The following AUTS2 variants were observed in gnomAD, a reference collection of about 807,000 sequenced individuals.
The protein encoded by AUTS2 is autism susceptibility gene 2 protein.
A neutral mutation model predicts 112.4 loss-of-function variants in AUTS2; 17 were observed. That is an observed-to-expected ratio of 0.15 (90% confidence interval 0.10 to 0.23). The LOEUF (loss-of-function observed/expected upper bound fraction) is 0.23, where lower values mean the gene tolerates loss of function less well. Ranked by LOEUF, AUTS2 falls within the 10% of genes least tolerant of loss-of-function variation. The pLI is 1.00. For missense variants in AUTS2, 1,510 were observed against 1,701.6 expected, an observed-to-expected ratio of 0.89 and a Z score of 1.98; for synonymous variants, 751 against 702.7, an observed-to-expected ratio of 1.07 and a Z score of -1.09.
chr7:70,192,325 TA>T (rs1442607158), intron 4 of AUTS2, among the ~76,000 whole-genome samples: 1 of 152,216 alleles, frequency 6.6e-6, no homozygotes, highest in African/African-American at 2.4e-5. Context: ...TAAAACTTTC[TA>T]GGAAATTCAT....
chr7:69,604,493 T>A (rs928055039), intron 1 of AUTS2, among the ~76,000 whole-genome samples: 1 of 152,350 alleles, frequency 6.6e-6, no homozygotes, highest in East Asian at 1.9e-4. Flanking sequence ...TGATATCAAC[T>A]AAGCGCCATA....
chr7:70,781,292 T>G (rs1585681315), intron 14 of AUTS2, among the ~76,000 whole-genome samples: 1 of 133,116 alleles, frequency 7.5e-6, no homozygotes. Flanking sequence ...ACCCAGGAGG[T>G]GGAGGTTGTA....
At chr7:70,428,712 CTG>C (rs1348440644) in intron 4 of AUTS2, among the ~76,000 whole-genome samples, 1 of 152,184 alleles carries the variant, frequency 6.6e-6, no homozygotes, top group East Asian at 1.9e-4. Flanking sequence ...TACGAAATAA[CTG>C]TTCCAGCAAG....
intron 1 of AUTS2, among the ~76,000 whole-genome samples, chr7:69,847,165 A>G (rs1792243221): frequency 6.6e-6 from 1 of 152,240 alleles, no homozygotes; most frequent in African/African-American, 2.4e-5. Flanking sequence ...CTGGCTTAAT[A>G]GAACATACGA....
At chr7:69,975,778 C>T (rs1210707366) in intron 2 of AUTS2, among the ~76,000 whole-genome samples, 3 of 151,790 alleles carry the variant, frequency 2.0e-5, no homozygotes, top group Non-Finnish European at 4.4e-5. Flanking sequence ...ACCTCTGCCT[C>T]CTGGGTTCAA....
intron 6 of AUTS2, among the ~76,000 whole-genome samples, chr7:70,760,241 G>A (rs774162233): frequency 4.6e-5 from 7 of 152,180 alleles, no homozygotes; most frequent in Non-Finnish European, 7.3e-5. Flanking sequence ...TCCTGACCTC[G>A]TGATCCGCCC....
Position 70,724,808 on chromosome 7 carries a change from T to C in AUTS2, c.742+26188T>C, listed in dbSNP as rs76342480. 1.2e-3 allele frequency among the ~76,000 whole-genome samples: 184 copies of C among 152,326 alleles called. 1 individual carries two copies. The East Asian group carries it at 0.033, about 28-fold the overall frequency. On this transcript the variant is annotated intron_variant, in intron 6 of 18. Transcript: ENST00000342771. ...TAGCATACTGCTAAAACTAGATTAGTAGTACTTAATCTAGAGGGATCTTTT... is the reference window on the plus strand; with the variant it reads ...TAGCATACTGCTAAAACTAGATTAGCAGTACTTAATCTAGAGGGATCTTTT...
intron 1 of AUTS2, among the ~76,000 whole-genome samples, chr7:69,779,384 CT>C: frequency 6.6e-6 from 1 of 152,196 alleles, no homozygotes; most frequent in East Asian, 1.9e-4. Context: ...GTTTCCTGAT[CT>C]TTACAAAAAA....
chr7:70,527,548 C>T (rs1799891313), intron 5 of AUTS2, among the ~76,000 whole-genome samples: 1 of 151,898 alleles, frequency 6.6e-6, no homozygotes, highest in South Asian at 2.1e-4. Context: ...CCGTACTTCA[C>T]CCCATAGCCG....
chr7:69,892,673 G>C (rs543958224), intron 1 of AUTS2, among the ~76,000 whole-genome samples: 1 of 152,192 alleles, frequency 6.6e-6, no homozygotes, highest in South Asian at 2.1e-4. Flanking sequence ...TGGTGTCATA[G>C]TAAGAAATCT....
At chr7:69,900,990 G>A (rs893239098) in intron 2 of AUTS2, among the ~76,000 whole-genome samples, 11 of 152,166 alleles carry the variant, frequency 7.2e-5, no homozygotes, top group African/African-American at 2.4e-4. Context: ...CTATGGAAAC[G>A]AGGGCTCAAA....
At chr7:70,025,483 G>A (rs1014516711) in intron 2 of AUTS2, among the ~76,000 whole-genome samples, 1 of 140,710 alleles carries the variant, frequency 7.1e-6, no homozygotes, top group African/African-American at 2.7e-5. Context: ...ACAAGGTCTC[G>A]CTCTGTCACC....
intron 5 of AUTS2, among the ~76,000 whole-genome samples, chr7:70,515,801 A>C (rs1291452955): frequency 6.6e-6 from 1 of 152,120 alleles, no homozygotes; most frequent in Non-Finnish European, 1.5e-5. Flanking sequence ...TCTAGGTTAC[A>C]TTTTGAAAAA....
chr7:70,142,077 G>A (rs1397470938), intron 4 of AUTS2, among the ~76,000 whole-genome samples: 1 of 152,200 alleles, frequency 6.6e-6, no homozygotes, highest in Non-Finnish European at 1.5e-5. Flanking sequence ...ATTTAAATGA[G>A]GGAATAGGCT....
Position 70,172,182 on chromosome 7 carries a change from G to C in AUTS2, c.660+37611G>C, listed in dbSNP as rs548436979. Among the ~76,000 whole-genome samples, 9 of 152,210 alleles carry C rather than the reference G, an allele frequency of 5.9e-5. No individual in the cohort carries two copies. In the South Asian group the frequency reaches 1.9e-3, roughly 32 times the overall value. ...ACTTCCTATATGGCCATGGAGTGGT[G>C]GATCTATGGCCTGATCTCTCTGTTC... On this transcript the variant is annotated intron_variant, in intron 4 of 18. Transcript: ENST00000342771.
At chr7:70,304,879 T>G (rs1215645150) in intron 4 of AUTS2, among the ~76,000 whole-genome samples, 2 of 152,118 alleles carry the variant, frequency 1.3e-5, no homozygotes, top group Non-Finnish European at 2.9e-5. Flanking sequence ...GTTTGCTGAT[T>G]ATAGCAGTGA....
chr7:69,741,327 C>T lies in AUTS2; in HGVS notation c.309+141365C>T, dbSNP rs74954723. ...CTTCTTATTCAACTCCACCCCACCTCGAACCCCGATTTGGTTTTAAAGATT... is the reference window on the plus strand; with the variant it reads ...CTTCTTATTCAACTCCACCCCACCTTGAACCCCGATTTGGTTTTAAAGATT... On this transcript the variant is annotated intron_variant, in intron 1 of 18. Coordinates refer to ENST00000342771, the MANE Select transcript of AUTS2 (RefSeq NM_015570.4). Among the ~76,000 whole-genome samples, 21 of 152,258 alleles carry T rather than the reference C, an allele frequency of 1.4e-4. No individual in the cohort carries two copies. The East Asian group carries it at 3.1e-3, about 22-fold the overall frequency.
At chr7:70,111,081 G>A (rs60188668) in intron 2 of AUTS2, among the ~76,000 whole-genome samples, 2,965 of 151,104 alleles carry the variant, frequency 0.02, 113 homozygotes, top group African/African-American at 0.068. Context: ...GGGTTTCACC[G>A]TGTTAGCCAG....
chr7:70,582,974 G>A (rs930913968), intron 5 of AUTS2, among the ~76,000 whole-genome samples: 1 of 152,158 alleles, frequency 6.6e-6, no homozygotes, highest in Non-Finnish European at 1.5e-5. Context: ...TTAAAAATAG[G>A]GAAGGACTTG....
Sources: allele counts gnomAD v4.1 joint callset (sites outside exome capture counted in the v4.1 genomes callset), GRCh38; gene constraint gnomAD v4.1.1; transcripts MANE v1.5; gene names NCBI Gene and HGNC (gene_info 2026-07-23, HGNC 2026-07-21).